The following MYO5A variants were observed in gnomAD, a reference collection of about 807,000 sequenced individuals.
MYO5A encodes unconventional myosin-Va.
MYO5A carries 98 observed loss-of-function variants against 249.7 expected under a neutral mutation model. The observed-to-expected ratio is 0.39, with a 90% CI of 0.33 to 0.46. The LOEUF is 0.46. MYO5A is among the 20% of genes least tolerant of loss of function. The pLI, the probability that MYO5A is intolerant of heterozygous loss-of-function variation, is 0.98. For missense variants in MYO5A, 1,696 were observed against 2,308.8 expected (o/e 0.73, Z 5.44); for synonymous variants, 778 against 810.6 (o/e 0.96, Z 0.68).
At chr15:52,384,106 G>A in intron 15 of MYO5A, 55 bp downstream of exon 15, 1 of 1,602,198 alleles carries the variant, frequency 6.2e-7, no homozygotes, top group Non-Finnish European at 8.5e-7. Context: ...AAGATCTGAG[G>A]TTTCAGATGA....
intron 36 of MYO5A, among the ~76,000 whole-genome samples, chr15:52,324,122 A>G (rs918143403): frequency 6.6e-6 from 1 of 151,998 alleles, no homozygotes; most frequent in Non-Finnish European, 1.5e-5. Context: ...AAGAGGAATA[A>G]CAAATATTGT....
intron 1 of MYO5A, among the ~76,000 whole-genome samples, chr15:52,523,774 C>T (rs1294188168): frequency 6.6e-6 from 1 of 152,178 alleles, no homozygotes; most frequent in East Asian, 1.9e-4. Flanking sequence ...GGCCTAGGAA[C>T]ACCAGGAGGA....
intron 10 of MYO5A, among the ~76,000 whole-genome samples, chr15:52,396,714 G>C (rs893644972): frequency 3.9e-5 from 6 of 151,980 alleles, no homozygotes; most frequent in African/African-American, 9.7e-5. Flanking sequence ...TTATAATAAA[G>C]CCATTGCTCT....
At chr15:52,507,495 G>T (rs961409027) in intron 1 of MYO5A, among the ~76,000 whole-genome samples, 11 of 152,122 alleles carry the variant, frequency 7.2e-5, no homozygotes, top group African/African-American at 9.7e-5. Flanking sequence ...GTACATAGCT[G>T]ATGTCCTAAA....
intron 1 of MYO5A, among the ~76,000 whole-genome samples, chr15:52,454,849 T>C (rs2076088129): frequency 1.3e-5 from 2 of 152,016 alleles, no homozygotes; most frequent in East Asian, 1.9e-4. Flanking sequence ...TTTATAGCAA[T>C]AAATGCCTAC....
rs1161030346 is a variant in MYO5A at position 52,360,082 on chromosome 15, C to T, written c.3310-1G>A. The T allele has an allele frequency of 1.3e-6, 2 of 1,599,172 alleles. No homozygotes were observed. The highest frequency in any genetic ancestry group is 1.3e-5 in the African/African-American group (1 of 74,602). The stretch of plus-strand genomic sequence containing the variant: ...TCTTGTGTCCAGGCTTAGGCACATG[C>T]TGCAAGGCAAATAACCCAGGTATAA... On this transcript the variant is annotated splice_acceptor_variant, in intron 24 of 41. Coordinates refer to ENST00000399233, the MANE Select transcript of MYO5A (RefSeq NM_001382347.1). LOFTEE classifies it high-confidence loss of function.
At chr15:52,390,220 T>G (rs534705311) in intron 12 of MYO5A, among the ~76,000 whole-genome samples, 29 of 152,272 alleles carry the variant, frequency 1.9e-4, no homozygotes, top group South Asian at 6.2e-4. Flanking sequence ...TAAGCCCTAG[T>G]ATTTGATAAT....
intron 24 of MYO5A, 34 bp downstream of exon 24, chr15:52,364,520 T>A (rs1299913545): frequency 6.3e-6 from 10 of 1,589,666 alleles, no homozygotes; most frequent in Non-Finnish European, 8.6e-6. Flanking sequence ...TTTAAAATTT[T>A]TCATTAAAAA....
rs1595612552 is a variant in MYO5A, at chr15:52,405,532, C to T, written c.947-139G>A. On this transcript the variant is annotated intron_variant, in intron 8 of 41. Transcript: ENST00000399233. Reference sequence around the variant, plus strand: ...TATTATAATGTGTCATAGCTAACAACACTTTCATCTTTGTTGACATTAACA... The same window carrying T: ...TATTATAATGTGTCATAGCTAACAATACTTTCATCTTTGTTGACATTAACA... 11 of 717,506 alleles carry T rather than the reference C, an allele frequency of 1.5e-5. No homozygotes were observed. The East Asian group carries it at 3.0e-4, about 20-fold the overall frequency. The allele number at this position is 717,506 out of a possible 1,614,324, so 44.4% of individuals were successfully genotyped here. A position where few individuals can be genotyped will look rare whatever the true frequency, so the allele number is the denominator to read the frequency against.
rs1567007012 is a variant in MYO5A, at chr15:52,311,334, A to C, written c.*2362T>G. 6.6e-6 allele frequency: 1 copy of C among 152,112 alleles called. No individual in the cohort carries two copies. The highest frequency in any genetic ancestry group is 1.5e-5 in the Non-Finnish European group (1 of 68,028). The allele number at this position is 152,112 out of a possible 1,614,324, so 9.4% of individuals were successfully genotyped here. On this transcript the variant is annotated 3_prime_UTR_variant, in exon 42 of 42. Transcript: ENST00000399233. ...CTGTACCACGTTGCATTTTCTTAGC[A>C]ACTCCCCAACTTACAGCCTATCGGA...
chr15:52,451,442 C>T (rs2076018552), intron 1 of MYO5A, among the ~76,000 whole-genome samples: 2 of 152,186 alleles, frequency 1.3e-5, no homozygotes, highest in Admixed American at 1.3e-4. Flanking sequence ...AATGGAAAAA[C>T]AGGATGAAAA....
At chr15:52,490,012 A>G (rs1366940222) in intron 1 of MYO5A, among the ~76,000 whole-genome samples, 1 of 152,248 alleles carries the variant, frequency 6.6e-6, no homozygotes, top group Non-Finnish European at 1.5e-5. Flanking sequence ...CAAGCCTACA[A>G]TGAGATACCA....
chr15:52,501,267 A>T (rs1018547313), intron 1 of MYO5A, among the ~76,000 whole-genome samples: 1 of 152,028 alleles, frequency 6.6e-6, no homozygotes, highest in African/African-American at 2.4e-5. Context: ...CACCGCGCCC[A>T]GCCAGAAAAC....
At chr15:52,370,023 G>T in intron 22 of MYO5A, 146 bp downstream of exon 22, 1 of 1,072,428 alleles carries the variant, frequency 9.3e-7, no homozygotes, top group Non-Finnish European at 1.4e-6. Flanking sequence ...ATAAATGCTT[G>T]GGAAACAGTA....
At chr15:52,411,689 G>A (rs1223543711) in intron 5 of MYO5A, among the ~76,000 whole-genome samples, 1 of 152,192 alleles carries the variant, frequency 6.6e-6, no homozygotes, top group Non-Finnish European at 1.5e-5. Flanking sequence ...ACAGAAAGAT[G>A]TGAAAATACA....
intron 1 of MYO5A, among the ~76,000 whole-genome samples, chr15:52,463,111 A>T (rs934420411): frequency 1.3e-5 from 2 of 152,294 alleles, no homozygotes; most frequent in Non-Finnish European, 2.9e-5. Context: ...GAACTAAAGG[A>T]CATTTTTTCT....
intron 1 of MYO5A, among the ~76,000 whole-genome samples, chr15:52,518,688 A>G (rs1388488106): frequency 1.3e-5 from 2 of 152,224 alleles, no homozygotes; most frequent in South Asian, 4.1e-4. Flanking sequence ...TAGTCATCTT[A>G]CTGTAATGCA....
chr15:52,364,775 A>C, intron 23 of MYO5A, 73 bp from the exon 24 acceptor site: 2 of 1,553,410 alleles, frequency 1.3e-6, no homozygotes, highest in Non-Finnish European at 1.8e-6. Flanking sequence ...ATGTATACTG[A>C]TTTCCAGTTT....
chr15:52,411,720 C>A (rs1362804349), intron 5 of MYO5A, among the ~76,000 whole-genome samples: 1 of 152,108 alleles, frequency 6.6e-6, no homozygotes, highest in Non-Finnish European at 1.5e-5. Flanking sequence ...AAGAGTGATA[C>A]AAATGTAAGT....
Sources: gnomAD v4.1 joint callset for allele counts (sites outside exome capture counted in the v4.1 genomes callset) on GRCh38, gnomAD v4.1.1 for gene constraint, MANE v1.5 for transcripts, NCBI Gene and HGNC (gene_info 2026-07-23, HGNC 2026-07-21) for gene names.